The following PMFBP1 variants were observed in gnomAD, a reference collection of about 807,000 sequenced individuals.
The protein encoded by PMFBP1 is polyamine-modulated factor 1-binding protein 1.
PMFBP1 carries 131 observed loss-of-function variants against 137.8 expected under a neutral mutation model. The observed-to-expected ratio is 0.95, with a 90% CI of 0.82 to 1.10. The LOEUF (loss-of-function observed/expected upper bound fraction) is 1.10. Ranked by LOEUF, PMFBP1 falls within the 50% of genes least tolerant of loss-of-function variation. The pLI, the probability that PMFBP1 is intolerant of heterozygous loss-of-function variation, is 0.00. For missense variants in PMFBP1, 1,199 were observed against 1,175.4 expected (o/e 1.02, Z -0.29); for synonymous variants, 490 against 450.4 (o/e 1.09, Z -1.11).
chr16:72,169,900 A>G (rs1409929681), intron 2 of PMFBP1, among the ~76,000 whole-genome samples: 1 of 152,208 alleles, frequency 6.6e-6, no homozygotes, highest in Admixed American at 6.5e-5. Context: ...GGAAGGCTAG[A>G]TTAGTGTTTG....
At chr16:72,148,498 AC>A (rs1270938266) in intron 5 of PMFBP1, among the ~76,000 whole-genome samples, 1 of 152,212 alleles carries the variant, frequency 6.6e-6, no homozygotes, top group Non-Finnish European at 1.5e-5. Flanking sequence ...GTGCACATGT[AC>A]CCCAGAACTT....
chr16:72,148,369 G>A (rs186892787), intron 5 of PMFBP1, among the ~76,000 whole-genome samples: 322 of 151,636 alleles, frequency 2.1e-3, no homozygotes, highest in African/African-American at 7.2e-3. Context: ...GGGGCCTGTC[G>A]GGGGGTGGGG....
At chr16:72,216,611 T>G in the PMFBP1 span, among the ~76,000 whole-genome samples, 3 of 152,162 alleles carry the variant, frequency 2.0e-5, no homozygotes, top group Non-Finnish European at 4.4e-5. Context: ...GCTAAGCTAT[T>G]AAGGAGATAA....
the PMFBP1 span, among the ~76,000 whole-genome samples, chr16:72,221,067 C>T: frequency 2.6e-5 from 4 of 151,846 alleles, no homozygotes; most frequent in Admixed American, 1.3e-4. Flanking sequence ...TATGTGATTG[C>T]GCTGAGAACA....
intron 5 of PMFBP1, among the ~76,000 whole-genome samples, chr16:72,142,118 T>C (rs978503825): frequency 3.3e-5 from 5 of 152,118 alleles, no homozygotes; most frequent in Admixed American, 3.3e-4. Context: ...ATACTTCATG[T>C]TCAGTGAGCA....
At chr16:72,196,453 G>C in the PMFBP1 span, among the ~76,000 whole-genome samples, 1 of 152,146 alleles carries the variant, frequency 6.6e-6, no homozygotes, top group Non-Finnish European at 1.5e-5. Flanking sequence ...TGTGCAGTTA[G>C]CAATCAGTAA....
At chr16:72,143,464 C>T (rs1184954305) in intron 5 of PMFBP1, among the ~76,000 whole-genome samples, 4 of 152,250 alleles carry the variant, frequency 2.6e-5, no homozygotes, top group African/African-American at 7.2e-5. Flanking sequence ...ACAATTAGGC[C>T]GGGCGTGGTG....
the PMFBP1 span, among the ~76,000 whole-genome samples, chr16:72,217,357 C>A: frequency 6.6e-6 from 1 of 152,088 alleles, no homozygotes; most frequent in Admixed American, 6.5e-5. Context: ...CTGATTGATT[C>A]TCTCAGAATG....
chr16:72,121,609 G>A (rs2042378320), intron 19 of PMFBP1, among the ~76,000 whole-genome samples: 2 of 152,218 alleles, frequency 1.3e-5, no homozygotes, highest in African/African-American at 2.4e-5. Flanking sequence ...TCACAAGTAT[G>A]CCAAACAAAT....
chr16:72,179,311 C>G (rs1041374357), upstream of PMFBP1, among the ~76,000 whole-genome samples: 2 of 152,200 alleles, frequency 1.3e-5, no homozygotes, highest in African/African-American at 2.4e-5. Context: ...ACACAAGACA[C>G]TGATTTATAT....
chr16:72,129,138 G>A lies in PMFBP1; in HGVS notation c.1878C>T (p.Ser626=). ...CCTCCATCAGCTTCTCATGCTCTTT[G>A]CTCTTCTTCAACTGCTCCCGTTTGT... is the stretch of plus-strand genomic sequence containing the variant. ...LEDKREQLKK[S]KEHEKLMEGE... is the part of the protein sequence containing the mutation. The change falls in exon 13 of 21, where the codon AGC becomes AGT. Residue 626 remains serine (S), a synonymous_variant. Coordinates refer to ENST00000237353, the MANE Select transcript of PMFBP1 (RefSeq NM_031293.3). 6.2e-7 allele frequency: 1 copy of A among 1,614,204 alleles called. No homozygotes were observed. Among genetic ancestry groups the A allele is most frequent in the Non-Finnish European group, 8.5e-7 (1 of 1,180,032 alleles).
the PMFBP1 span, among the ~76,000 whole-genome samples, chr16:72,210,059 C>T: frequency 1.2e-4 from 18 of 152,284 alleles, no homozygotes; most frequent in African/African-American, 4.3e-4. Context: ...TTCTCATACC[C>T]CTGTCTATTC....
downstream of PMFBP1, among the ~76,000 whole-genome samples, chr16:72,117,293 C>T (rs2042318057): frequency 6.6e-6 from 1 of 151,610 alleles, no homozygotes. Flanking sequence ...TTTATAATTT[C>T]CTTTTCAGAT....
intron 3 of PMFBP1, among the ~76,000 whole-genome samples, chr16:72,155,805 T>C (rs2042971533): frequency 6.6e-6 from 1 of 152,176 alleles, no homozygotes; most frequent in Non-Finnish European, 1.5e-5. Flanking sequence ...TACAATGTTT[T>C]AGAACATTTC....
the PMFBP1 span, among the ~76,000 whole-genome samples, chr16:72,242,467 T>C: frequency 1.3e-5 from 2 of 152,244 alleles, no homozygotes; most frequent in African/African-American, 4.8e-5. Context: ...AGATGGGGAT[T>C]GTGCTTGTGA....
the PMFBP1 span, among the ~76,000 whole-genome samples, chr16:72,221,135 T>C: frequency 5.7e-4 from 86 of 152,002 alleles, 1 homozygote; most frequent in East Asian, 0.012. Context: ...AGAGTGAAAA[T>C]TCTCCATTCA....
At chr16:72,197,254 T>C in the PMFBP1 span, among the ~76,000 whole-genome samples, 1 of 152,126 alleles carries the variant, frequency 6.6e-6, no homozygotes, top group Non-Finnish European at 1.5e-5. Flanking sequence ...ACCTGGAAGC[T>C]TCTGATAGAG....
chr16:72,193,812 A>G, the PMFBP1 span, among the ~76,000 whole-genome samples: 1 of 151,894 alleles, frequency 6.6e-6, no homozygotes, highest in Admixed American at 6.6e-5. Flanking sequence ...CCCCAATCAT[A>G]TGTGCCCGGC....
intron 4 of PMFBP1, among the ~76,000 whole-genome samples, chr16:72,152,599 C>A (rs1452013748): frequency 6.6e-6 from 1 of 152,138 alleles, no homozygotes; most frequent in African/African-American, 2.4e-5. Flanking sequence ...AACCCCAGCA[C>A]TTTGGGAGGC....
Sources: allele counts gnomAD v4.1 joint callset (sites outside exome capture counted in the v4.1 genomes callset), GRCh38; gene constraint gnomAD v4.1.1; transcripts MANE v1.5; gene names NCBI Gene and HGNC (gene_info 2026-07-23, HGNC 2026-07-21).